HIBADH: variants seen among roughly 807,000 people sequenced by gnomAD.
HIBADH encodes 3-hydroxyisobutyrate dehydrogenase, mitochondrial.
In HIBADH, 25 loss-of-function variants were observed where a neutral mutation model predicts 36.1. The observed-to-expected ratio is 0.69, with a 90% CI of 0.50 to 0.97. The LOEUF (loss-of-function observed/expected upper bound fraction) is 0.97. Ranked by LOEUF, HIBADH falls within the 50% of genes least tolerant of loss-of-function variation. The probability of loss-of-function intolerance (pLI) is 0.00; values close to 1 mark genes in which losing one functional copy is unlikely to be tolerated. For missense variants in HIBADH, 421 were observed against 418.0 expected, an observed-to-expected ratio of 1.01 and a Z score of -0.06; for synonymous variants, 160 against 149.5, an observed-to-expected ratio of 1.07 and a Z score of -0.51.
At chr7:27,527,341 T>C (rs1039071043) in intron 7 of HIBADH, among the ~76,000 whole-genome samples, 5 of 152,170 alleles carry the variant, frequency 3.3e-5, no homozygotes, top group African/African-American at 1.2e-4. Context: ...GAAAATAAAC[T>C]GGAGAAGATC....
chr7:27,561,944 T>C (rs1007365767), intron 4 of HIBADH, among the ~76,000 whole-genome samples: 6 of 152,164 alleles, frequency 3.9e-5, no homozygotes, highest in African/African-American at 1.4e-4. Flanking sequence ...TTTCTTTTGA[T>C]TGGAATTTGC....
At chr7:27,581,462 A>G (rs1055020035) in intron 4 of HIBADH, among the ~76,000 whole-genome samples, 1 of 152,270 alleles carries the variant, frequency 6.6e-6, no homozygotes, top group East Asian at 1.9e-4. Flanking sequence ...CATCAACTAT[A>G]ATTGCTTATC....
chr7:27,540,551 T>C (rs1364546316), intron 5 of HIBADH, among the ~76,000 whole-genome samples: 2 of 152,222 alleles, frequency 1.3e-5, no homozygotes, highest in Non-Finnish European at 2.9e-5. Flanking sequence ...AATTTACTGT[T>C]AGGGGCTTGA....
At chr7:27,551,468 TA>T (rs1784319089) in intron 4 of HIBADH, among the ~76,000 whole-genome samples, 1 of 152,154 alleles carries the variant, frequency 6.6e-6, no homozygotes, top group Non-Finnish European at 1.5e-5. Context: ...ACATAACAAG[TA>T]AATTCATTCA....
At chr7:27,614,722 C>T (rs543409193) in intron 4 of HIBADH, among the ~76,000 whole-genome samples, 2 of 152,322 alleles carry the variant, frequency 1.3e-5, no homozygotes, top group South Asian at 4.1e-4. Flanking sequence ...AAAAACAGAT[C>T]TTATCCCATT....
In HIBADH at chr7:27,621,545, A is replaced by G. The variant is rs895067163; in HGVS notation, c.484+7826T>C. On this transcript the variant is annotated intron_variant, in intron 4 of 7. Coordinates refer to ENST00000265395, the MANE Select transcript of HIBADH (RefSeq NM_152740.4). ...AGTGGCTCACACCTGTAATCCCAGC[A>G]CCTTGGGAGGCCAAGGCAGGCAGAT... is the stretch of plus-strand genomic sequence containing the variant. Among the ~76,000 whole-genome samples the G allele has an allele frequency of 4.6e-5, 7 of 152,164 alleles. 1 individual carries two copies. Among genetic ancestry groups the G allele is most frequent in the East Asian group, 3.9e-4 (2 of 5,192 alleles).
In HIBADH at chr7:27,531,227, A is replaced by G. The variant is rs1170527244; in HGVS notation, c.817T>C (p.Tyr273His). The change falls in exon 7 of 8, where the codon TAT (tyrosine) becomes CAT (histidine). Residue 273 changes from tyrosine to histidine, a missense_variant. By Grantham distance (83) the Tyr-to-His change is moderately conservative (BLOSUM62 2). Coordinates refer to ENST00000265395, the MANE Select transcript of HIBADH (RefSeq NM_152740.4). ...AGTGTTGTTCCAAATCCACCCTGAT[A>G]GTTATTAGCCGAGGGAACGCCATCC... ...VMDGVPSANN[Y>H]QGGFGTTLMA... is the part of the protein sequence containing the mutation. 3 of 1,613,966 alleles carry G rather than the reference A, an allele frequency of 1.9e-6. No individual in the cohort carries two copies. Among genetic ancestry groups the G allele is most frequent in the South Asian group, 1.1e-5 (1 of 91,044 alleles).
intron 4 of HIBADH, among the ~76,000 whole-genome samples, chr7:27,565,140 C>T (rs1032021577): frequency 6.6e-6 from 1 of 152,122 alleles, no homozygotes; most frequent in Non-Finnish European, 1.5e-5. Flanking sequence ...GCTCTAATCA[C>T]CCCAGGGCCA....
chr7:27,561,544 T>G lies in HIBADH; in HGVS notation c.485-18444A>C, dbSNP rs1784467890. Among the ~76,000 whole-genome samples the G allele has an allele frequency of 2.0e-5, 3 of 152,240 alleles. No individual in the cohort carries two copies. The South Asian group carries it at 6.2e-4, about 32-fold the overall frequency. On this transcript the variant is annotated intron_variant, in intron 4 of 7. Coordinates refer to ENST00000265395, the MANE Select transcript of HIBADH (RefSeq NM_152740.4). The stretch of plus-strand genomic sequence containing the variant: ...GAGACTTGCTTCATGGCCTATTGTG[T>G]GGTCAATTATTAATAATTTTTTGAT...
At chr7:27,562,636 C>T (rs1196223127) in intron 4 of HIBADH, among the ~76,000 whole-genome samples, 1 of 152,142 alleles carries the variant, frequency 6.6e-6, no homozygotes, top group Non-Finnish European at 1.5e-5. Flanking sequence ...GGACCACAGG[C>T]ACAAGCCACC....
chr7:27,573,982 A>T (rs867297601), intron 4 of HIBADH, among the ~76,000 whole-genome samples: 2 of 152,150 alleles, frequency 1.3e-5, no homozygotes, highest in African/African-American at 2.4e-5. Context: ...CTTATATTAC[A>T]TTTCTATTGG....
intron 2 of HIBADH, among the ~76,000 whole-genome samples, chr7:27,642,983 C>A (rs1785989878): frequency 6.6e-6 from 1 of 152,140 alleles, no homozygotes; most frequent in Admixed American, 6.6e-5. Flanking sequence ...ATTCCCCTAA[C>A]CACCCTCTCA....
intron 4 of HIBADH, among the ~76,000 whole-genome samples, chr7:27,613,712 G>A (rs11765792): frequency 0.1 from 15,154 of 149,482 alleles, 919 homozygotes; most frequent in Non-Finnish European, 0.13. Context: ...AGGCTGGAGT[G>A]CAGTGGCACA....
chr7:27,601,001 G>A (rs748345543), intron 4 of HIBADH, among the ~76,000 whole-genome samples: 19 of 152,080 alleles, frequency 1.2e-4, no homozygotes, highest in Non-Finnish European at 7.4e-5. Context: ...CTAGCATTTC[G>A]TACTTTGGAT....
At chr7:27,562,914 A>C (rs1416737709) in intron 4 of HIBADH, among the ~76,000 whole-genome samples, 1 of 151,794 alleles carries the variant, frequency 6.6e-6, no homozygotes, top group East Asian at 1.9e-4. Flanking sequence ...TCCTTTTTTT[A>C]TTTTGAAATT....
At chr7:27,623,500 A>G (rs1338869351) in intron 4 of HIBADH, among the ~76,000 whole-genome samples, 2 of 152,192 alleles carry the variant, frequency 1.3e-5, no homozygotes, top group Non-Finnish European at 2.9e-5. Flanking sequence ...ACACCTAGAA[A>G]AACCTAAAAC....
chr7:27,620,489 C>A (rs543608967), intron 4 of HIBADH, among the ~76,000 whole-genome samples: 1 of 151,298 alleles, frequency 6.6e-6, no homozygotes, highest in South Asian at 2.1e-4. Flanking sequence ...ACAACAACAA[C>A]AAAAACAAAC....
At chr7:27,575,190 G>T (rs1233866323) in intron 4 of HIBADH, among the ~76,000 whole-genome samples, 1 of 152,160 alleles carries the variant, frequency 6.6e-6, no homozygotes, top group Non-Finnish European at 1.5e-5. Context: ...TATTTGTCAA[G>T]AATCTCTGGA....
intron 4 of HIBADH, among the ~76,000 whole-genome samples, chr7:27,612,818 C>T (rs1467910512): frequency 1.3e-5 from 2 of 149,122 alleles, no homozygotes; most frequent in Non-Finnish European, 3.0e-5. Context: ...TGCCTATAGT[C>T]CTAGATATTC....
Sources: allele counts gnomAD v4.1 joint callset (sites outside exome capture counted in the v4.1 genomes callset), GRCh38; gene constraint gnomAD v4.1.1; transcripts MANE v1.5; gene names NCBI Gene and HGNC (gene_info 2026-07-23, HGNC 2026-07-21).